The following CDH13 variants were observed in gnomAD, a reference collection of about 807,000 sequenced individuals.
CDH13 encodes the protein cadherin 13.
In CDH13, 24 loss-of-function variants were observed where a neutral mutation model predicts 63.8. The ratio of observed to expected loss-of-function variants is 0.38; its 90% CI spans 0.27 to 0.53. CDH13 has a LOEUF of 0.53. Ranked by LOEUF, CDH13 falls within the 20% of genes least tolerant of loss-of-function variation. The probability of loss-of-function intolerance (pLI) is 0.85; values close to 1 mark genes in which losing one functional copy is unlikely to be tolerated. For synonymous variants in CDH13, 503 were observed against 355.3 expected, an observed-to-expected ratio of 1.42 and a Z score of -4.67; for missense variants, 1,049 against 903.1, an observed-to-expected ratio of 1.16 and a Z score of -2.07.
intron 6 of CDH13, among the ~76,000 whole-genome samples, chr16:83,387,877 A>G (rs528154081): frequency 7.2e-5 from 11 of 152,250 alleles, no homozygotes; most frequent in Admixed American, 3.3e-4. Context: ...TGCTAGTTTG[A>G]GTTAATTTTC....
intron 6 of CDH13, among the ~76,000 whole-genome samples, chr16:83,363,584 G>C (rs866698726): frequency 6.6e-6 from 1 of 152,230 alleles, no homozygotes; most frequent in Non-Finnish European, 1.5e-5. Context: ...GGTTAAATAA[G>C]AGAAGGAATC....
chr16:82,916,420 A>G (rs971102573), intron 2 of CDH13, among the ~76,000 whole-genome samples: 3 of 152,080 alleles, frequency 2.0e-5, no homozygotes, highest in African/African-American at 7.2e-5. Context: ...CTAAAAATAC[A>G]AAAATTAGCC....
chr16:83,413,455 A>G (rs2092156310), intron 6 of CDH13, among the ~76,000 whole-genome samples: 1 of 152,206 alleles, frequency 6.6e-6, no homozygotes, highest in South Asian at 2.1e-4. Context: ...CCAGGCAACT[A>G]ATCATCCCTT....
At chr16:83,179,261 C>T (rs1445531933) in intron 4 of CDH13, among the ~76,000 whole-genome samples, 8 of 152,044 alleles carry the variant, frequency 5.3e-5, no homozygotes, top group African/African-American at 1.9e-4. Context: ...TTTTGTGTTC[C>T]ATGCAGTGTC....
chr16:83,305,022 A>G (rs1482648954), intron 5 of CDH13, among the ~76,000 whole-genome samples: 2 of 152,172 alleles, frequency 1.3e-5, no homozygotes, highest in Non-Finnish European at 2.9e-5. Context: ...CGCATTCCCC[A>G]CAGACCGGGA....
chr16:83,000,545 A>C (rs1597385433), intron 2 of CDH13, among the ~76,000 whole-genome samples: 1 of 135,336 alleles, frequency 7.4e-6, no homozygotes, highest in Non-Finnish European at 1.6e-5. Flanking sequence ...ACCTCACCCG[A>C]CCCCAAGGTT....
At chr16:83,091,026 A>G (rs1004276159) in intron 3 of CDH13, among the ~76,000 whole-genome samples, 10 of 152,204 alleles carry the variant, frequency 6.6e-5, no homozygotes, top group African/African-American at 2.2e-4. Flanking sequence ...CTTATTATAT[A>G]ACATTTTCTA....
At chr16:83,131,137 T>C (rs1168035715) in intron 4 of CDH13, among the ~76,000 whole-genome samples, 1 of 147,356 alleles carries the variant, frequency 6.8e-6, no homozygotes, top group African/African-American at 2.6e-5. Flanking sequence ...TCCAAATCAC[T>C]GCTACTCACT....
At chr16:82,837,977 G>C (rs1343963421) in intron 1 of CDH13, among the ~76,000 whole-genome samples, 1 of 152,076 alleles carries the variant, frequency 6.6e-6, no homozygotes, top group African/African-American at 2.4e-5. Flanking sequence ...ACTCTTTTCT[G>C]CCCAGGACTA....
intron 2 of CDH13, among the ~76,000 whole-genome samples, chr16:82,949,679 CT>C (rs568911334): frequency 2.8e-4 from 42 of 151,710 alleles, no homozygotes; most frequent in Non-Finnish European, 3.2e-4. Flanking sequence ...TCAGAGAAAA[CT>C]TTTTTTTTAT....
intron 3 of CDH13, among the ~76,000 whole-genome samples, chr16:83,064,346 G>A (rs2031828901): frequency 8.2e-6 from 1 of 122,104 alleles, no homozygotes; most frequent in Admixed American, 8.7e-5. Context: ...TCCAGCCTGG[G>A]TGACAAAGTG....
intron 1 of CDH13, among the ~76,000 whole-genome samples, chr16:82,848,328 C>A (rs1001728925): frequency 6.6e-6 from 1 of 152,118 alleles, no homozygotes; most frequent in African/African-American, 2.4e-5. Flanking sequence ...GTGTTTTTGC[C>A]TGGCTTCTTG....
At chr16:83,535,826 C>T (rs1010905046) in intron 7 of CDH13, among the ~76,000 whole-genome samples, 4 of 98,654 alleles carry the variant, frequency 4.1e-5, no homozygotes, top group East Asian at 3.6e-4. Context: ...AAAGAAGGAA[C>T]GAAGGAAAGG....
chr16:82,703,745 C>T (rs1053201492), intron 1 of CDH13, among the ~76,000 whole-genome samples: 12 of 152,144 alleles, frequency 7.9e-5, no homozygotes, highest in African/African-American at 2.9e-4. Context: ...ATAGATTGTG[C>T]CTTCTGGCTG....
intron 1 of CDH13, among the ~76,000 whole-genome samples, chr16:82,822,021 A>G (rs1027196581): frequency 3.2e-4 from 49 of 152,150 alleles, no homozygotes; most frequent in African/African-American, 9.9e-4. Flanking sequence ...GCCTATGGCT[A>G]TTGGGTATTG....
chr16:82,874,607 A>G (rs548505252), intron 2 of CDH13, among the ~76,000 whole-genome samples: 3 of 152,342 alleles, frequency 2.0e-5, no homozygotes, highest in South Asian at 2.1e-4. Context: ...TTAAATTTTC[A>G]TATGTATACA....
chr16:82,921,859 T>G (rs1205715494), intron 2 of CDH13, among the ~76,000 whole-genome samples: 9 of 152,172 alleles, frequency 5.9e-5, no homozygotes, highest in Non-Finnish European at 1.0e-4. Context: ...AAAACTTACC[T>G]GTAAATCTAT....
intron 10 of CDH13, among the ~76,000 whole-genome samples, chr16:83,687,058 A>G (rs1422686306): frequency 1.3e-5 from 2 of 152,128 alleles, no homozygotes; most frequent in Non-Finnish European, 1.5e-5. Context: ...AAAAATACAA[A>G]AAAAGTTAGC....
chr16:83,118,171 C>G (rs1046763620), intron 3 of CDH13, among the ~76,000 whole-genome samples: 3 of 152,182 alleles, frequency 2.0e-5, no homozygotes, highest in African/African-American at 7.2e-5. Flanking sequence ...GGGAATCCCA[C>G]AAGTCACACA....
Sources: gnomAD v4.1 joint callset for allele counts (sites outside exome capture counted in the v4.1 genomes callset) on GRCh38, gnomAD v4.1.1 for gene constraint, MANE v1.5 for transcripts, NCBI Gene and HGNC (gene_info 2026-07-23, HGNC 2026-07-21) for gene names.